Variants in TMEM50A observed in about 807,000 individuals in gnomAD.
TMEM50A encodes the protein transmembrane protein 50A, also known as cervical cancer oncogene 9.
A neutral mutation model predicts 23.9 loss-of-function variants in TMEM50A; 8 were observed. That is an observed-to-expected ratio of 0.33 (90% CI 0.20 to 0.60). The LOEUF is 0.60. Ranked by LOEUF, TMEM50A falls within the 20% of genes least tolerant of loss-of-function variation. The pLI, the probability that TMEM50A is intolerant of heterozygous loss-of-function variation, is 0.81. For synonymous variants in TMEM50A, 55 were observed against 60.4 expected (o/e 0.91, Z 0.41); for missense variants, 178 against 192.7 (o/e 0.92, Z 0.45).
intron 4 of TMEM50A, among the ~76,000 whole-genome samples, chr1:25,352,218 G>C (rs372229809): frequency 6.6e-6 from 1 of 152,064 alleles, no homozygotes; most frequent in Non-Finnish European, 1.5e-5. Flanking sequence ...GGGAGCGGCC[G>C]GGCACAGTGG....
At chr1:25,351,602 C>G (rs762354198) in intron 3 of TMEM50A, 24 bp from the exon 4 acceptor site, 26 of 1,587,982 alleles carry the variant, frequency 1.6e-5, no homozygotes, top group Non-Finnish European at 2.2e-5. Flanking sequence ...ACCCTGATTT[C>G]TTGGTTTTAT....
At chr1:25,345,460 G>A (rs1645204567) in intron 3 of TMEM50A, among the ~76,000 whole-genome samples, 1 of 152,168 alleles carries the variant, frequency 6.6e-6, no homozygotes, top group African/African-American at 2.4e-5. Context: ...CGTGACTGTG[G>A]TCCCAGCTAC....
chr1:25,354,938 AT>A (rs1450285441), intron 5 of TMEM50A, among the ~76,000 whole-genome samples: 2 of 151,926 alleles, frequency 1.3e-5, no homozygotes, highest in Admixed American at 1.3e-4. Context: ...TGTCCAGCTA[AT>A]TTTTGTATTT....
chr1:25,348,108 G>A (rs1645238901), intron 3 of TMEM50A, among the ~76,000 whole-genome samples: 1 of 152,108 alleles, frequency 6.6e-6, no homozygotes. Flanking sequence ...ACATTCTGTT[G>A]CATTAACATA....
At chr1:25,356,699 ATTC>A (rs921219294) in intron 5 of TMEM50A, 91 bp from the exon 6 acceptor site, 27 of 924,110 alleles carry the variant, frequency 2.9e-5, no homozygotes, top group Non-Finnish European at 4.3e-5. Context: ...AGAAAAATCA[ATTC>A]TTCTAGGCAG....
chr1:25,352,918 C>A lies in TMEM50A; in HGVS notation c.311C>A (p.Ala104Asp), dbSNP rs543866425. 7.9e-5 allele frequency: 128 copies of A among 1,613,172 alleles called. 2 individuals carry two copies. In the South Asian group the frequency reaches 1.2e-3, roughly 16 times the overall value. Residue 104 changes from alanine to aspartate, a missense_variant, in exon 5 of 7, where the codon GCC becomes GAC. By Grantham distance (126) the Ala-to-Asp change is moderately radical. Transcript: ENST00000374358. ...TGGCTTTTCGTTGGTTTCATGTTGG[C>A]CTTTGGATCTCTGATTGCATCTATG... The part of the protein sequence containing the change: ...RIWLFVGFML[A>D]FGSLIASMWI...
rs1182983959 is a variant in TMEM50A at position 25,352,900 on chromosome 1, T to A, written c.293T>A (p.Phe98Tyr). The A allele has an allele frequency of 6.2e-7, 1 of 1,613,872 alleles. No homozygotes were observed. The highest frequency in any genetic ancestry group is 1.7e-5 in the Admixed American group (1 of 59,982). The change falls in exon 5 of 7, where the codon TTC becomes TAC. Residue 98 changes from phenylalanine (F) to tyrosine (Y), a missense_variant. By Grantham distance (22) the Phe-to-Tyr change is conservative. Coordinates refer to ENST00000374358, the MANE Select transcript of TMEM50A (RefSeq NM_014313.4). Reference protein sequence around the residue: ...LGQTGARIWLFVGFMLAFGSL... With the variant: ...LGQTGARIWLYVGFMLAFGSL... Reference sequence around the variant, plus strand: ...TTTGAAGGTGCTCGCATTTGGCTTTTCGTTGGTTTCATGTTGGCCTTTGGA... The same window carrying A: ...TTTGAAGGTGCTCGCATTTGGCTTTACGTTGGTTTCATGTTGGCCTTTGGA...
Position 25,360,742 on chromosome 1 carries a change from G to C in TMEM50A, c.*37G>C. On this transcript the variant is annotated 3_prime_UTR_variant, in exon 7 of 7. Coordinates refer to ENST00000374358, the MANE Select transcript of TMEM50A (RefSeq NM_014313.4). ...TTCCCACAGCACAACAGCCCTGCATGGGTTTGTTTGTTTTTTTACTGCTCA... is the reference window on the plus strand; with the variant it reads ...TTCCCACAGCACAACAGCCCTGCATCGGTTTGTTTGTTTTTTTACTGCTCA... 1 of 1,611,304 alleles carries C rather than the reference G, an allele frequency of 6.2e-7. No individual in the cohort carries two copies. The highest frequency in any genetic ancestry group is 8.5e-7 in the Non-Finnish European group (1 of 1,178,450).
chr1:25,357,945 G>T (rs1645352956), intron 6 of TMEM50A, among the ~76,000 whole-genome samples: 1 of 142,176 alleles, frequency 7.0e-6, no homozygotes, highest in Non-Finnish European at 1.5e-5. Context: ...CCTGCATCAG[G>T]AGTTCTTTTT....
chr1:25,338,443 C>T lies in TMEM50A; in HGVS notation c.-27C>T. On this transcript the variant is annotated 5_prime_UTR_variant, in exon 1 of 7. The change creates a new upstream start codon in the 5' untranslated region. Transcript: ENST00000374358. ...GACACCGGGCTCCGGAACCACTGCA[C>T]GACGGGGCTGGACGTAAGTGTCGGG... is the stretch of plus-strand genomic sequence containing the variant. The T allele has an allele frequency of 6.5e-6, 1 of 152,774 alleles. No individual in the cohort carries two copies. The highest frequency in any genetic ancestry group is 1.5e-5 in the Non-Finnish European group (1 of 68,412). 9.5% of individuals were successfully genotyped at this position (152,774 alleles called of 1,614,324 possible).
chr1:25,343,127 G>A, intron 3 of TMEM50A, 54 bp downstream of exon 3: 1 of 1,375,246 alleles, frequency 7.3e-7, no homozygotes, highest in African/African-American at 1.4e-5. Flanking sequence ...AAATAAAAAT[G>A]TTTCAAATAT....
At position 25,348,460 on chromosome 1, in the gene TMEM50A, A is replaced by G. The variant is rs573585591; in HGVS notation, c.207-3166A>G. 2.0e-3 allele frequency among the ~76,000 whole-genome samples: 301 copies of G among 152,218 alleles called. 1 individual carries two copies. The highest frequency in any genetic ancestry group is 3.0e-3 in the Non-Finnish European group (203 of 68,016). ...CCAGCACTTTGGGAGGCCGAGGTGG[A>G]AGGATCTCGAGGTCAGGAGATCGAG... is the stretch of plus-strand genomic sequence containing the variant. On this transcript the variant is annotated intron_variant, in intron 3 of 6. Transcript: ENST00000374358.
intron 6 of TMEM50A, among the ~76,000 whole-genome samples, chr1:25,358,334 G>A (rs1168770493): frequency 6.6e-6 from 1 of 152,146 alleles, no homozygotes; most frequent in Non-Finnish European, 1.5e-5. Flanking sequence ...GGTGTTTTGT[G>A]TATTTCTGGA....
chr1:25,360,548 T>C, intron 6 of TMEM50A, 112 bp from the exon 7 acceptor site: 1 of 1,188,496 alleles, frequency 8.4e-7, no homozygotes, highest in South Asian at 1.3e-5. Context: ...CCAAAATTTC[T>C]TCTACAACTC....
intron 3 of TMEM50A, among the ~76,000 whole-genome samples, chr1:25,349,892 T>C (rs1280714764): frequency 6.6e-6 from 1 of 152,242 alleles, no homozygotes; most frequent in Non-Finnish European, 1.5e-5. Context: ...CACACACAAC[T>C]AAATGGGTAT....
intron 6 of TMEM50A, among the ~76,000 whole-genome samples, chr1:25,359,500 T>C (rs1313916186): frequency 1.4e-5 from 1 of 72,608 alleles, no homozygotes; most frequent in Admixed American, 1.9e-4. Flanking sequence ...CAATAGCTGA[T>C]GAGCTTTAAA....
intron 5 of TMEM50A, among the ~76,000 whole-genome samples, chr1:25,356,446 T>A (rs1645334592): frequency 6.6e-6 from 1 of 152,232 alleles, no homozygotes; most frequent in African/African-American, 2.4e-5. Flanking sequence ...CACACTACAC[T>A]TCTCCACCTT....
chr1:25,358,986 C>T (rs989606688), intron 6 of TMEM50A, among the ~76,000 whole-genome samples: 1 of 152,210 alleles, frequency 6.6e-6, no homozygotes, highest in Non-Finnish European at 1.5e-5. Flanking sequence ...AACTCCTGGG[C>T]TCAAGCGATC....
chr1:25,348,309 T>G (rs888414709), intron 3 of TMEM50A, among the ~76,000 whole-genome samples: 1 of 152,242 alleles, frequency 6.6e-6, no homozygotes, highest in Non-Finnish European at 1.5e-5. Flanking sequence ...TTATTTTTTC[T>G]CTTATTACAA....
Sources: gnomAD v4.1 joint callset for allele counts (sites outside exome capture counted in the v4.1 genomes callset) on GRCh38, gnomAD v4.1.1 for gene constraint, MANE v1.5 for transcripts, NCBI Gene and HGNC (gene_info 2026-07-23, HGNC 2026-07-21) for gene names.